Variants in TMEM245 observed in about 807,000 individuals in gnomAD.
The protein encoded by TMEM245 is protein CG-2.
TMEM245 carries 69 observed loss-of-function variants against 101.2 expected under a neutral mutation model. The observed-to-expected ratio is 0.68, with a 90% CI of 0.56 to 0.83. The LOEUF is 0.83. Ranked by LOEUF, TMEM245 falls within the 40% of genes least tolerant of loss-of-function variation. The pLI is 0.00. For missense variants in TMEM245, 1,075 were observed against 1,092.8 expected (o/e 0.98, Z 0.23); for synonymous variants, 537 against 449.8 (o/e 1.19, Z -2.45).
chr9:109,118,016 A>G (rs370781949), intron 1 of TMEM245, among the ~76,000 whole-genome samples: 3 of 152,382 alleles, frequency 2.0e-5, no homozygotes, highest in African/African-American at 7.2e-5. Flanking sequence ...ACTTTGGACC[A>G]ATCACATTCT....
At chr9:109,108,808 TAC>T (rs1830496313) in intron 1 of TMEM245, among the ~76,000 whole-genome samples, 1 of 152,156 alleles carries the variant, frequency 6.6e-6, no homozygotes, top group Admixed American at 6.5e-5. Flanking sequence ...TAACAAAAGA[TAC>T]ATAGTTCAAA....
chr9:109,022,106 C>A (rs906112841), intron 17 of TMEM245, among the ~76,000 whole-genome samples: 2 of 152,168 alleles, frequency 1.3e-5, no homozygotes, highest in African/African-American at 4.8e-5. Flanking sequence ...ACTAACCTTG[C>A]AGCACTCAAT....
chr9:109,070,539 C>T (rs1417500087), intron 9 of TMEM245, among the ~76,000 whole-genome samples: 1 of 152,192 alleles, frequency 6.6e-6, no homozygotes, highest in Non-Finnish European at 1.5e-5. Context: ...GGCTTTGTCA[C>T]TTCTCATCTG....
At chr9:109,032,364 CCTTT>C (rs1564170120) in intron 17 of TMEM245, among the ~76,000 whole-genome samples, 5 of 51,784 alleles carry the variant, frequency 9.7e-5, no homozygotes, top group Non-Finnish European at 1.3e-4. Flanking sequence ...TATTTCTTTT[CCTTT>C]TTTTTTTTTT....
chr9:109,054,742 C>A (rs1828783821), intron 12 of TMEM245, among the ~76,000 whole-genome samples: 1 of 152,202 alleles, frequency 6.6e-6, no homozygotes, highest in Non-Finnish European at 1.5e-5. Context: ...AGTCTGGCCT[C>A]TGGAGCCAAG....
chr9:109,035,659 G>C (rs1475310925), intron 16 of TMEM245, among the ~76,000 whole-genome samples: 2 of 152,072 alleles, frequency 1.3e-5, no homozygotes, highest in Non-Finnish European at 2.9e-5. Context: ...TAAAATATTT[G>C]ATGTACATCT....
intron 15 of TMEM245, 97 bp from the exon 16 acceptor site, chr9:109,036,477 A>G (rs1216588684): frequency 1.7e-6 from 2 of 1,172,614 alleles, no homozygotes; most frequent in Non-Finnish European, 2.3e-6. Flanking sequence ...ACAACTTCCA[A>G]CAAAACAAGT....
intron 12 of TMEM245, among the ~76,000 whole-genome samples, chr9:109,051,283 A>C (rs934943070): frequency 7.3e-6 from 1 of 136,438 alleles, no homozygotes; most frequent in African/African-American, 2.9e-5. Context: ...CAAGAGCAAA[A>C]CTCTGTCTCA....
intron 7 of TMEM245, 23 bp downstream of exon 7, chr9:109,085,974 C>G (rs374947533): frequency 6.2e-7 from 1 of 1,613,456 alleles, no homozygotes. Context: ...ATAGTAAAAA[C>G]CAACATCTGG....
chr9:109,049,215 A>C (rs1828596800), intron 14 of TMEM245, among the ~76,000 whole-genome samples: 1 of 151,998 alleles, frequency 6.6e-6, no homozygotes, highest in African/African-American at 2.4e-5. Context: ...TGAATTGTTA[A>C]ATTTTGTTTT....
chr9:109,056,765 G>A (rs1430161763), intron 12 of TMEM245, among the ~76,000 whole-genome samples: 2 of 152,214 alleles, frequency 1.3e-5, no homozygotes, highest in Non-Finnish European at 2.9e-5. Flanking sequence ...GGAATGAGGA[G>A]GAGCAGTAGT....
rs764260454 is a variant in TMEM245 at position 109,050,654 on chromosome 9, C to A, written c.1893G>T (p.Val631=). 6.2e-7 allele frequency: 1 copy of A among 1,613,016 alleles called. No homozygotes were observed. The highest frequency in any genetic ancestry group is 1.1e-5 in the South Asian group (1 of 90,962). The change falls in exon 13 of 18, where the codon GTG becomes GTT. Residue 631 remains valine (V), a synonymous_variant. Coordinates refer to ENST00000374586, the MANE Select transcript of TMEM245 (RefSeq NM_032012.4). The stretch of plus-strand genomic sequence containing the variant: ...TAGTGACAGTGGTGAACAGCAGGCT[C>A]ACATTCCGGCTCATAACGATCCACA... ...ESLWIVMSRN[V]SLLFTTVTTL...
intron 5 of TMEM245, among the ~76,000 whole-genome samples, chr9:109,088,815 CAAA>C (rs772216738): frequency 0.19 from 12,927 of 66,430 alleles, 596 homozygotes; most frequent in East Asian, 0.3. Context: ...GACTACATCT[CAAA>C]AAAAAAAAAA....
chr9:109,074,819 C>A (rs1419183857), intron 8 of TMEM245, among the ~76,000 whole-genome samples: 1 of 152,040 alleles, frequency 6.6e-6, no homozygotes, highest in Non-Finnish European at 1.5e-5. Flanking sequence ...CTATCGGGCC[C>A]CAGAAAAGTA....
chr9:109,100,604 C>G (rs1036913697), intron 3 of TMEM245, among the ~76,000 whole-genome samples: 2 of 152,310 alleles, frequency 1.3e-5, no homozygotes, highest in Admixed American at 1.3e-4. Flanking sequence ...ATCCTCCCGC[C>G]TTGGCCTCAT....
At position 109,119,550 on chromosome 9, in the gene TMEM245, C is replaced by T; in HGVS notation, c.364G>A (p.Ala122Thr). The T allele has an allele frequency of 6.5e-7, 1 of 1,534,258 alleles. No homozygotes were observed. Reference protein sequence around the residue: ...LHRAHTPIVLAALLLPLCFVD... With the variant: ...LHRAHTPIVLTALLLPLCFVD... ...AAGCAGAGCGGCAGGAGCAGCGCGG[C>T]CAGGACGATGGGCGTGTGCGCGCGG... Residue 122 changes from alanine to threonine, a missense_variant, in exon 1 of 18, where the codon GCC becomes ACC. Around this residue, in one of 2 missense-constraint regions of TMEM245, gnomAD observed 808 missense variants for 741.5 expected, o/e 1.09. Transcript: ENST00000374586.
intron 3 of TMEM245, among the ~76,000 whole-genome samples, chr9:109,102,418 C>T (rs552841041): frequency 1.3e-5 from 2 of 152,058 alleles, no homozygotes; most frequent in East Asian, 1.9e-4. Context: ...TAATAAAAAG[C>T]AAATTAATTT....
chr9:109,098,478 T>C (rs944651161), intron 3 of TMEM245, among the ~76,000 whole-genome samples: 2 of 152,044 alleles, frequency 1.3e-5, no homozygotes, highest in African/African-American at 4.8e-5. Flanking sequence ...AACAGATCTG[T>C]ATTTTAATGA....
intron 16 of TMEM245, 59 bp downstream of exon 16, chr9:109,036,147 A>G: frequency 1.4e-6 from 2 of 1,455,946 alleles, no homozygotes. Context: ...CTCCTTTAAA[A>G]AAAAAAAAAC....
Sources: gnomAD v4.1 joint callset for allele counts (sites outside exome capture counted in the v4.1 genomes callset) on GRCh38, gnomAD v4.1.1 for gene constraint, gnomAD v4.1.1 regional missense constraint, MANE v1.5 for transcripts, NCBI Gene and HGNC (gene_info 2026-07-23, HGNC 2026-07-21) for gene names.